The following NPSR1 variants were observed in gnomAD, a reference collection of about 807,000 sequenced individuals.
The protein encoded by NPSR1 is neuropeptide S receptor 1.
NPSR1 carries 48 observed loss-of-function variants against 46.9 expected under a neutral mutation model. That is an observed-to-expected ratio of 1.02 (90% CI 0.81 to 1.30). The LOEUF (loss-of-function observed/expected upper bound fraction) is 1.30, where lower values mean the gene tolerates loss of function less well. Ranked by LOEUF, NPSR1 falls within the 50% of genes most tolerant of loss-of-function variation. The pLI is 0.00. For missense variants in NPSR1, 450 were observed against 449.5 expected (o/e 1.00, Z -0.01); for synonymous variants, 176 against 168.1 (o/e 1.05, Z -0.36).
intron 6 of NPSR1, among the ~76,000 whole-genome samples, chr7:34,839,528 A>G (rs926740497): frequency 4.6e-5 from 7 of 152,300 alleles, no homozygotes; most frequent in Non-Finnish European, 1.0e-4. Context: ...CCAATGCTAC[A>G]TGTTTCAGGT....
Position 34,849,685 on chromosome 7 carries a change from G to A in NPSR1, c.*30G>A, listed in dbSNP as rs1245045206. On this transcript the variant is annotated 3_prime_UTR_variant, in exon 9 of 9. Coordinates refer to ENST00000360581, the MANE Select transcript of NPSR1 (RefSeq NM_207172.2). ...TAGGGCAGTGCCAGTGCTAGGCTGA[G>A]CACCATCAGCTCTCCCAGGTCCTTG... is the stretch of plus-strand genomic sequence containing the variant. 5.6e-6 allele frequency: 9 copies of A among 1,611,248 alleles called. No individual in the cohort carries two copies. Among genetic ancestry groups the A allele is most frequent in the Non-Finnish European group, 7.6e-6 (9 of 1,178,778 alleles).
intron 2 of NPSR1, among the ~76,000 whole-genome samples, chr7:34,729,093 C>CTCAGAGGTT (rs1278967650): frequency 1.3e-5 from 2 of 152,118 alleles, no homozygotes; most frequent in Admixed American, 6.5e-5. Flanking sequence ...CTGAACAAAC[C>CTCAGAGGTT]CCTTCTGAGC....
intron 2 of NPSR1, among the ~76,000 whole-genome samples, chr7:34,702,208 G>A (rs1793863280): frequency 6.6e-6 from 1 of 152,164 alleles, no homozygotes; most frequent in Non-Finnish European, 1.5e-5. Flanking sequence ...CCAGCAGGAA[G>A]GAAGAAGGGA....
intron 6 of NPSR1, among the ~76,000 whole-genome samples, chr7:34,838,138 C>G (rs933697012): frequency 4.6e-5 from 7 of 152,128 alleles, no homozygotes; most frequent in Non-Finnish European, 7.4e-5. Flanking sequence ...CATGCCTCCC[C>G]CCAGGGAGGC....
Position 34,754,564 on chromosome 7 carries a change from A to C in NPSR1, c.281-23898A>C, listed in dbSNP as rs534285047. On this transcript the variant is annotated intron_variant, in intron 2 of 8. Transcript: ENST00000360581. The stretch of plus-strand genomic sequence containing the variant: ...ACCACCTCTTCCCCCCACCAAGAGT[A>C]AGCCCTGAGGCCCAGACAGGCTTCA... 6.6e-4 allele frequency among the ~76,000 whole-genome samples: 100 copies of C among 152,152 alleles called. 1 individual carries two copies. The highest frequency in any genetic ancestry group is 2.6e-4 in the Non-Finnish European group (18 of 67,994).
At chr7:34,793,072 G>A (rs528279754) in intron 3 of NPSR1, among the ~76,000 whole-genome samples, 1 of 152,002 alleles carries the variant, frequency 6.6e-6, no homozygotes, top group East Asian at 1.9e-4. Flanking sequence ...TGAGTTAGTA[G>A]TCCTAGCTAC....
At chr7:34,871,892 C>A (rs1195575167) in intron 8 of NPSR1, among the ~76,000 whole-genome samples, 1 of 151,834 alleles carries the variant, frequency 6.6e-6, no homozygotes, top group Non-Finnish European at 1.5e-5. Flanking sequence ...GTGGCTTTTC[C>A]AGGCAGAGTT....
At chr7:34,731,417 T>A (rs1341272549) in intron 2 of NPSR1, among the ~76,000 whole-genome samples, 1 of 151,974 alleles carries the variant, frequency 6.6e-6, no homozygotes, top group Non-Finnish European at 1.5e-5. Context: ...AGAAAGTAGG[T>A]TTTAAGAAAT....
chr7:34,775,094 T>C (rs757744401), intron 2 of NPSR1, among the ~76,000 whole-genome samples: 1 of 152,216 alleles, frequency 6.6e-6, no homozygotes, highest in Non-Finnish European at 1.5e-5. Flanking sequence ...GTATGTGTCC[T>C]ACCAATGCCT....
intron 1 of NPSR1, among the ~76,000 whole-genome samples, chr7:34,663,545 C>A (rs957806909): frequency 5.3e-5 from 8 of 152,166 alleles, no homozygotes; most frequent in African/African-American, 1.9e-4. Context: ...CCCTTCCAAT[C>A]CTGTGCTCCC....
At chr7:34,765,035 A>G (rs577720609) in intron 2 of NPSR1, among the ~76,000 whole-genome samples, 50 of 152,288 alleles carry the variant, frequency 3.3e-4, no homozygotes, top group Admixed American at 1.1e-3. Flanking sequence ...CGTCTCAGCT[A>G]CTATGCTAAT....
At chr7:34,853,447 T>C (rs1790983017), downstream of NPSR1, among the ~76,000 whole-genome samples, 2 of 152,186 alleles carry the variant, frequency 1.3e-5, no homozygotes, top group East Asian at 1.9e-4. Context: ...TAGGTGCCAA[T>C]CTCTGTGTTT....
At chr7:34,747,918 A>G (rs150542181) in intron 2 of NPSR1, among the ~76,000 whole-genome samples, 32 of 152,298 alleles carry the variant, frequency 2.1e-4, no homozygotes, top group African/African-American at 7.2e-4. Flanking sequence ...GGATCTGGAC[A>G]CTGCTGCCTC....
intron 3 of NPSR1, among the ~76,000 whole-genome samples, chr7:34,807,100 A>C (rs1310572275): frequency 6.6e-6 from 1 of 152,150 alleles, no homozygotes; most frequent in Non-Finnish European, 1.5e-5. Flanking sequence ...CTATAATTGT[A>C]CTTTGATTTC....
intron 2 of NPSR1, among the ~76,000 whole-genome samples, chr7:34,689,383 A>T (rs1793102716): frequency 1.3e-5 from 2 of 152,212 alleles, no homozygotes; most frequent in African/African-American, 2.4e-5. Flanking sequence ...AGGCGGGCAG[A>T]TCACAAGGTC....
chr7:34,699,192 G>A (rs1793691369), intron 2 of NPSR1, among the ~76,000 whole-genome samples: 1 of 152,154 alleles, frequency 6.6e-6, no homozygotes, highest in Non-Finnish European at 1.5e-5. Context: ...TAAAGATGCT[G>A]TTATTGACCA....
At chr7:34,846,802 TA>T (rs757516962) in intron 7 of NPSR1, among the ~76,000 whole-genome samples, 2 of 152,236 alleles carry the variant, frequency 1.3e-5, no homozygotes, top group Non-Finnish European at 2.9e-5. Flanking sequence ...TTTCAATATT[TA>T]TTTAAAATAC....
chr7:34,790,966 T>G (rs1408849645), intron 3 of NPSR1, among the ~76,000 whole-genome samples: 18 of 76,010 alleles, frequency 2.4e-4, no homozygotes, highest in African/African-American at 4.4e-4. Context: ...TATGTTATAT[T>G]ATATATGTTA....
intron 5 of NPSR1, among the ~76,000 whole-genome samples, chr7:34,831,549 C>T (rs937419990): frequency 2.6e-5 from 4 of 151,982 alleles, no homozygotes; most frequent in African/African-American, 7.3e-5. Context: ...ATGAGAGCTG[C>T]GTATGAATAA....
Sources: gnomAD v4.1 joint callset for allele counts (sites outside exome capture counted in the v4.1 genomes callset) on GRCh38, gnomAD v4.1.1 for gene constraint, MANE v1.5 for transcripts, NCBI Gene and HGNC (gene_info 2026-07-23, HGNC 2026-07-21) for gene names.